Variants in LRBA observed in about 807,000 individuals in gnomAD.
LRBA encodes LPS responsive beige-like anchor protein.
Under a neutral mutation model 330.0 loss-of-function variants are expected in LRBA, and 176 were observed. The ratio of observed to expected loss-of-function variants is 0.53; its 90% CI spans 0.47 to 0.60. The LOEUF is 0.60. Among genes scored for constraint, LRBA ranks in the 20% least tolerant of loss-of-function variants. LRBA has a pLI of 0.00. For missense variants in LRBA, 3,259 were observed against 3,444.8 expected, an observed-to-expected ratio of 0.95 and a Z score of 1.35; for synonymous variants, 1,230 against 1,193.0, an observed-to-expected ratio of 1.03 and a Z score of -0.64.
chr4:150,714,768 AT>A (rs776117657), intron 36 of LRBA, among the ~76,000 whole-genome samples: 5 of 152,134 alleles, frequency 3.3e-5, no homozygotes, highest in East Asian at 1.9e-4. Flanking sequence ...ATTAAAATAT[AT>A]TTTTTTCCAA....
At chr4:150,851,464 A>C (rs1160618400) in intron 23 of LRBA, among the ~76,000 whole-genome samples, 3 of 152,234 alleles carry the variant, frequency 2.0e-5, no homozygotes, top group African/African-American at 7.2e-5. Flanking sequence ...CCTCTCTCTT[A>C]TAGACTTCAT....
intron 13 of LRBA, among the ~76,000 whole-genome samples, chr4:150,903,310 A>T (rs1411170521): frequency 6.6e-6 from 1 of 151,942 alleles, no homozygotes; most frequent in Non-Finnish European, 1.5e-5. Context: ...GATTGAGCCC[A>T]GGAGTTTAAG....
At chr4:150,700,248 TCATG>T (rs1784989134) in intron 36 of LRBA, among the ~76,000 whole-genome samples, 1 of 152,148 alleles carries the variant, frequency 6.6e-6, no homozygotes. Flanking sequence ...GTATATATAG[TCATG>T]CATGGCTTAA....
At chr4:150,494,719 G>A (rs1383740351) in intron 40 of LRBA, among the ~76,000 whole-genome samples, 2 of 152,158 alleles carry the variant, frequency 1.3e-5, no homozygotes, top group Admixed American at 1.3e-4. Context: ...TAGTAGGCGG[G>A]GCACGGTGGC....
At chr4:150,536,643 T>TA (rs1039162680) in intron 40 of LRBA, among the ~76,000 whole-genome samples, 1 of 152,228 alleles carries the variant, frequency 6.6e-6, no homozygotes. Context: ...TAATCAGCGT[T>TA]AAAAAATGTT....
intron 54 of LRBA, among the ~76,000 whole-genome samples, chr4:150,284,934 C>T (rs761736919): frequency 2.6e-5 from 4 of 152,154 alleles, no homozygotes; most frequent in Non-Finnish European, 5.9e-5. Flanking sequence ...TTCCATACTA[C>T]TGTGCAAAGA....
rs1730257048 is a variant in LRBA at position 150,897,759 on chromosome 4, T to A, written c.1984A>T (p.Ile662Phe). ...CTCACCTTCATCACTAATTGCTTAA[T>A]GAACATCAACAAGAATGCTCGTAGA... ...LSLRAFLLMFIKQLVMKDSGV... is the reference protein window; with the variant it reads ...LSLRAFLLMFFKQLVMKDSGV... Residue 662 changes from isoleucine (I) to phenylalanine (F), a missense_variant, in exon 15 of 57, where the codon ATT becomes TTT. Coordinates refer to ENST00000651943, the MANE Select transcript of LRBA (RefSeq NM_001364905.1). The A allele has an allele frequency of 6.2e-7, 1 of 1,612,298 alleles. No homozygotes were observed. Among genetic ancestry groups the A allele is most frequent in the Non-Finnish European group, 8.5e-7 (1 of 1,178,830 alleles).
chr4:150,621,420 T>C (rs1291303144), intron 37 of LRBA, among the ~76,000 whole-genome samples: 1 of 152,190 alleles, frequency 6.6e-6, no homozygotes, highest in Non-Finnish European at 1.5e-5. Context: ...TGTCACTACA[T>C]AATAGTACTA....
At chr4:150,990,892 AC>A (rs1276705305) in intron 2 of LRBA, among the ~76,000 whole-genome samples, 1 of 152,038 alleles carries the variant, frequency 6.6e-6, no homozygotes, top group Non-Finnish European at 1.5e-5. Context: ...GGTGGTGCAC[AC>A]CTGTAATCCT....
At chr4:150,501,411 A>G (rs1019840585) in intron 40 of LRBA, among the ~76,000 whole-genome samples, 4 of 152,152 alleles carry the variant, frequency 2.6e-5, no homozygotes, top group Non-Finnish European at 4.4e-5. Context: ...CAGGAGTTCA[A>G]GATCAGCTGG....
intron 36 of LRBA, among the ~76,000 whole-genome samples, chr4:150,721,784 T>C (rs1215461097): frequency 6.6e-6 from 1 of 152,028 alleles, no homozygotes; most frequent in Non-Finnish European, 1.5e-5. Flanking sequence ...GCCTGGCTAA[T>C]TTTCGTATTT....
chr4:150,501,336 A>G (rs1482134038), intron 40 of LRBA, among the ~76,000 whole-genome samples: 1 of 152,128 alleles, frequency 6.6e-6, no homozygotes, highest in African/African-American at 2.4e-5. Context: ...ATCAGGCCAG[A>G]TGTGGTGGCT....
intron 40 of LRBA, among the ~76,000 whole-genome samples, chr4:150,494,190 C>T (rs1185377435): frequency 6.6e-6 from 1 of 152,116 alleles, no homozygotes; most frequent in Non-Finnish European, 1.5e-5. Context: ...GGTTTTCTAA[C>T]CCAAAAATAC....
chr4:150,555,756 A>AAAACAC (rs1554053984), intron 40 of LRBA, among the ~76,000 whole-genome samples: 1 of 144,610 alleles, frequency 6.9e-6, no homozygotes, highest in African/African-American at 2.6e-5. Context: ...GTCTTATAAA[A>AAAACAC]ACACACACAC....
intron 48 of LRBA, among the ~76,000 whole-genome samples, chr4:150,342,392 A>G (rs1226273882): frequency 6.6e-6 from 1 of 152,198 alleles, no homozygotes; most frequent in Non-Finnish European, 1.5e-5. Flanking sequence ...GAAATAAAGA[A>G]GAGTAAACAG....
At chr4:150,536,424 C>A (rs866742374) in intron 40 of LRBA, among the ~76,000 whole-genome samples, 1 of 152,090 alleles carries the variant, frequency 6.6e-6, no homozygotes, top group Non-Finnish European at 1.5e-5. Flanking sequence ...TATTTTAAAA[C>A]CCTTCAGCAT....
chr4:150,890,180 C>G (rs1729321326), intron 17 of LRBA, among the ~76,000 whole-genome samples: 1 of 152,022 alleles, frequency 6.6e-6, no homozygotes, highest in Non-Finnish European at 1.5e-5. Context: ...TCACTGCTGA[C>G]AGGAAGAGTT....
At chr4:150,295,075 C>T (rs1015546710) in intron 53 of LRBA, among the ~76,000 whole-genome samples, 1 of 151,898 alleles carries the variant, frequency 6.6e-6, no homozygotes, top group African/African-American at 2.4e-5. Context: ...AGAGATGGTT[C>T]TCTCCTTGAT....
chr4:150,939,766 G>C lies in LRBA; in HGVS notation c.217-10701C>G, dbSNP rs536123547. Among the ~76,000 whole-genome samples, 4 of 152,300 alleles carry C rather than the reference G, an allele frequency of 2.6e-5. No individual in the cohort carries two copies. In the South Asian group the frequency reaches 6.2e-4, roughly 24 times the overall value. On this transcript the variant is annotated intron_variant, in intron 2 of 56. Coordinates refer to ENST00000651943, the MANE Select transcript of LRBA (RefSeq NM_001364905.1). Reference sequence around the variant, plus strand: ...CAACACCGTACTCTCCTTAGAGAAAGAGGTTTGCGGAATGGATACACACAG... The same window carrying C: ...CAACACCGTACTCTCCTTAGAGAAACAGGTTTGCGGAATGGATACACACAG...
Sources: allele counts gnomAD v4.1 joint callset (sites outside exome capture counted in the v4.1 genomes callset), GRCh38; gene constraint gnomAD v4.1.1; transcripts MANE v1.5; gene names NCBI Gene and HGNC (gene_info 2026-07-23, HGNC 2026-07-21).